The following CTNNA1 variants were observed in gnomAD, a reference collection of about 807,000 sequenced individuals.
The protein encoded by CTNNA1 is catenin alpha-1.
Under a neutral mutation model 98.4 loss-of-function variants are expected in CTNNA1, and 37 were observed. The ratio of observed to expected loss-of-function variants is 0.38; its 90% CI spans 0.29 to 0.49. The LOEUF is 0.49. CTNNA1 is among the 20% of genes least tolerant of loss of function. The probability of loss-of-function intolerance (pLI) is 0.95; values close to 1 mark genes in which losing one functional copy is unlikely to be tolerated. For missense variants in CTNNA1, 761 were observed against 1,147.2 expected (o/e 0.66, Z 4.86); for synonymous variants, 404 against 413.2 (o/e 0.98, Z 0.27).
intron 1 of CTNNA1, among the ~76,000 whole-genome samples, chr5:138,772,490 T>C (rs1013678572): frequency 3.9e-5 from 6 of 152,232 alleles, no homozygotes; most frequent in African/African-American, 1.4e-4. Context: ...TACCATTAAT[T>C]GTAGAGAACC....
At chr5:138,928,527 C>A (rs1395682023) in intron 13 of CTNNA1, among the ~76,000 whole-genome samples, 1 of 152,192 alleles carries the variant, frequency 6.6e-6, no homozygotes, top group Non-Finnish European at 1.5e-5. Context: ...TTATACAAAT[C>A]CGCTTAATAC....
intron 9 of CTNNA1, among the ~76,000 whole-genome samples, chr5:138,903,417 A>G (rs564140392): frequency 2.6e-5 from 4 of 152,342 alleles, no homozygotes; most frequent in South Asian, 4.1e-4. Context: ...TTTATCATTC[A>G]TAACTCAGTT....
chr5:138,765,020 C>A (rs559452276), intron 1 of CTNNA1, among the ~76,000 whole-genome samples: 9 of 151,736 alleles, frequency 5.9e-5, no homozygotes, highest in African/African-American at 1.7e-4. Context: ...ATTACAGGTG[C>A]CTGCCACCAT....
chr5:138,904,702 A>G (rs956597953), intron 10 of CTNNA1: 12 of 360,422 alleles, frequency 3.3e-5, no homozygotes, highest in African/African-American at 1.8e-4. Context: ...CACGCCTGTA[A>G]TCGCAGCACT....
chr5:138,769,665 T>C (rs1468587392), intron 1 of CTNNA1, among the ~76,000 whole-genome samples: 1 of 152,032 alleles, frequency 6.6e-6, no homozygotes, highest in African/African-American at 2.4e-5. Flanking sequence ...CCCGAGTTGC[T>C]GCGATTACAG....
At chr5:138,780,837 C>T (rs1184161132) in intron 1 of CTNNA1, among the ~76,000 whole-genome samples, 10 of 152,136 alleles carry the variant, frequency 6.6e-5, no homozygotes, top group Non-Finnish European at 1.5e-4. Flanking sequence ...AAATGTCTAC[C>T]AGCAGTTTGT....
At chr5:138,864,796 T>G (rs901869545) in intron 7 of CTNNA1, among the ~76,000 whole-genome samples, 3 of 43,886 alleles carry the variant, frequency 6.8e-5, no homozygotes, top group Non-Finnish European at 1.3e-4. Context: ...GGAAGATGTG[T>G]TTTTTGTTTT....
chr5:138,839,260 G>A (rs1762067298), intron 7 of CTNNA1, among the ~76,000 whole-genome samples: 1 of 151,624 alleles, frequency 6.6e-6, no homozygotes, highest in African/African-American at 2.4e-5. Context: ...GTCTTGCTCT[G>A]TTGCTCAGGC....
In CTNNA1 at chr5:138,929,742, G is replaced by C. The variant is rs757842892; in HGVS notation, c.2010+386G>C. 1.1e-4 allele frequency among the ~76,000 whole-genome samples: 16 copies of C among 152,286 alleles called. No homozygotes were observed. The South Asian group carries it at 3.3e-3, about 32-fold the overall frequency. On this transcript the variant is annotated intron_variant, in intron 14 of 17. Coordinates refer to ENST00000302763, the MANE Select transcript of CTNNA1 (RefSeq NM_001903.5). ...ATTCATGGGTTTAAAAAATAACAGT[G>C]GTACATTCAAGAAAGCCAGTCAGAG...
chr5:138,774,055 G>T (rs1753828765), intron 1 of CTNNA1, among the ~76,000 whole-genome samples: 1 of 152,106 alleles, frequency 6.6e-6, no homozygotes, highest in South Asian at 2.1e-4. Flanking sequence ...GGCTAATTTT[G>T]TATTTTTAGT....
At chr5:138,933,003 G>A (rs771133167) in intron 17 of CTNNA1, 1 of 764,944 alleles carries the variant, frequency 1.3e-6, no homozygotes, top group Non-Finnish European at 2.4e-6. Context: ...CGTGGTGGCA[G>A]GTACCTGTAA....
At chr5:138,891,726 T>G (rs1755415349) in intron 9 of CTNNA1, among the ~76,000 whole-genome samples, 2 of 152,128 alleles carry the variant, frequency 1.3e-5, no homozygotes, top group African/African-American at 4.8e-5. Flanking sequence ...GCCACTGCAC[T>G]CCAGCTTGGG....
intron 11 of CTNNA1, among the ~76,000 whole-genome samples, chr5:138,922,480 A>G (rs1763117431): frequency 6.6e-6 from 1 of 152,202 alleles, no homozygotes; most frequent in Non-Finnish European, 1.5e-5. Context: ...ATTTACATAT[A>G]GTTGTCTGTA....
At chr5:138,822,024 A>G (rs1177689638) in intron 5 of CTNNA1, among the ~76,000 whole-genome samples, 1 of 152,164 alleles carries the variant, frequency 6.6e-6, no homozygotes, top group Non-Finnish European at 1.5e-5. Flanking sequence ...AGAAAAAAGA[A>G]CACTTTAGCA....
At chr5:138,875,460 C>T (rs1001103460) in intron 7 of CTNNA1, 10 of 985,370 alleles carry the variant, frequency 1.0e-5, no homozygotes, top group Admixed American at 6.2e-5. Context: ...GTAACAGCAT[C>T]GGGGTCGTTG....
At chr5:138,841,432 G>A (rs146915407) in intron 7 of CTNNA1, among the ~76,000 whole-genome samples, 5,455 of 152,068 alleles carry the variant, frequency 0.036, 262 homozygotes, top group African/African-American at 0.11. Context: ...GCTAATTTTT[G>A]TATTTTTAGT....
chr5:138,933,967 A>G lies in CTNNA1; in HGVS notation c.2599A>G (p.Lys867Glu). ...VSWKMKAPEK[K>E]PLVKREKQDE... ...ATGGAAGATGAAGGCACCAGAGAAAAAGCCATTGGTGAAGAGAGAGAAACA... is the reference window on the plus strand; with the variant it reads ...ATGGAAGATGAAGGCACCAGAGAAAGAGCCATTGGTGAAGAGAGAGAAACA... The change falls in exon 18 of 18, where the codon AAG (lysine) becomes GAG (glutamate). Residue 867 changes from lysine (K) to glutamate (E), a missense_variant. Lys to Glu is a moderately conservative substitution (Grantham distance 56). This residue lies in a region of CTNNA1 where 57 missense variants were observed against 90.9 expected (regional missense o/e 0.63). Coordinates refer to ENST00000302763, the MANE Select transcript of CTNNA1 (RefSeq NM_001903.5). The G allele has an allele frequency of 1.2e-6, 2 of 1,614,156 alleles. No homozygotes were observed. Among genetic ancestry groups the G allele is most frequent in the Non-Finnish European group, 1.7e-6 (2 of 1,180,022 alleles).
At chr5:138,759,364 A>T (rs1490001013) in intron 1 of CTNNA1, among the ~76,000 whole-genome samples, 3 of 152,048 alleles carry the variant, frequency 2.0e-5, no homozygotes, top group Non-Finnish European at 2.9e-5. Flanking sequence ...TTGAGCCTGC[A>T]CCTTTCCCTG....
At chr5:138,799,276 T>C (rs1432037822) in intron 3 of CTNNA1, among the ~76,000 whole-genome samples, 3 of 152,198 alleles carry the variant, frequency 2.0e-5, no homozygotes, top group Non-Finnish European at 4.4e-5. Flanking sequence ...TTCTCCTGCC[T>C]CTGCCTCCTG....
Sources: allele counts gnomAD v4.1 joint callset (sites outside exome capture counted in the v4.1 genomes callset), GRCh38; gene constraint gnomAD v4.1.1; regional missense constraint gnomAD v4.1.1; transcripts MANE v1.5; gene names NCBI Gene and HGNC (gene_info 2026-07-23, HGNC 2026-07-21).